ENDOV: variants seen among roughly 807,000 people sequenced by gnomAD.
ENDOV encodes hEndoV.
In ENDOV, 37 loss-of-function variants were observed where a neutral mutation model predicts 39.4. The ratio of observed to expected loss-of-function variants is 0.94; its 90% confidence interval spans 0.72 to 1.23. The LOEUF is 1.23. ENDOV is among the 50% of genes most tolerant of loss of function. The pLI is 0.00. For synonymous variants in ENDOV, 186 were observed against 163.4 expected (o/e 1.14, Z -1.05); for missense variants, 441 against 375.7 (o/e 1.17, Z -1.44).
chr17:80,416,911 C>T lies in ENDOV; in HGVS notation c.228+1090C>T, dbSNP rs181167422. The T allele has an allele frequency of 3.3e-3, 504 of 152,488 alleles. 1 individual carries two copies. Among genetic ancestry groups the T allele is most frequent in the Non-Finnish European group, 3.7e-3 (255 of 68,232 alleles). 9.4% of individuals were successfully genotyped at this position (152,488 alleles called of 1,614,324 possible). ...CTAGGACCACAGGTGTGAGCCACTA[C>T]ACCCGGCTTATTTTTTTATTTTTTG... On this transcript the variant is annotated intron_variant, in intron 2 of 9. Coordinates refer to ENST00000518137, the MANE Select transcript of ENDOV (RefSeq NM_173627.5).
chr17:80,423,641 G>A lies in ENDOV; in HGVS notation c.516+9G>A. The A allele has an allele frequency of 6.5e-7, 1 of 1,549,242 alleles. No individual in the cohort carries two copies. Among genetic ancestry groups the A allele is most frequent in the Non-Finnish European group, 8.7e-7 (1 of 1,147,098 alleles). On this transcript the variant is annotated intron_variant, in intron 5 of 9. Transcript: ENST00000518137. The stretch of plus-strand genomic sequence containing the variant: ...CCCTGCACAAGGAGAAGGTGAGGAG[G>A]GGCCTGCTGCAGGCCATGCCCGGCA...
intron 9 of ENDOV, among the ~76,000 whole-genome samples, chr17:80,431,995 G>A (rs1488877092): frequency 1.3e-5 from 2 of 152,132 alleles, no homozygotes; most frequent in Admixed American, 6.5e-5. Flanking sequence ...AGTTGGGAGG[G>A]GTGTCAGCTG....
intron 7 of ENDOV, chr17:80,427,687 C>G (rs1167766128): frequency 3.9e-6 from 5 of 1,278,610 alleles, no homozygotes; most frequent in Non-Finnish European, 5.1e-6. Flanking sequence ...CTGCTCTGTT[C>G]CAGAAGGTCC....
intron 9 of ENDOV, among the ~76,000 whole-genome samples, chr17:80,432,087 C>G (rs1392222579): frequency 6.6e-6 from 1 of 152,104 alleles, no homozygotes; most frequent in East Asian, 1.9e-4. Context: ...CGCTGAAGGT[C>G]CCCTTGGGAG....
intron 2 of ENDOV, chr17:80,416,104 G>GTATATA (rs2081111856): frequency 6.5e-6 from 2 of 306,394 alleles, no homozygotes; most frequent in African/African-American, 2.3e-5. Flanking sequence ...GGGTGTGGTG[G>GTATATA]CATATACCTG....
chr17:80,436,231 C>G lies in ENDOV; in HGVS notation c.*88C>G. 6.6e-7 allele frequency: 1 copy of G among 1,526,522 alleles called. No homozygotes were observed. The highest frequency in any genetic ancestry group is 8.8e-7 in the Non-Finnish European group (1 of 1,137,286). 94.6% of individuals were successfully genotyped at this position (1,526,522 alleles called of 1,614,324 possible). A position where few individuals can be genotyped will look rare whatever the true frequency, so the allele number is the denominator to read the frequency against. ...CGTCCTCGTCTCGTTCCTGATCGAA[C>G]GCGGTGGTGAGAGCACACATCCTCG... On this transcript the variant is annotated 3_prime_UTR_variant, in exon 10 of 10. Coordinates refer to ENST00000518137, the MANE Select transcript of ENDOV (RefSeq NM_173627.5).
chr17:80,424,936 C>T (rs767260065), intron 5 of ENDOV, 96 bp from the exon 6 acceptor site: 25 of 1,027,056 alleles, frequency 2.4e-5, no homozygotes, highest in Non-Finnish European at 3.7e-5. Flanking sequence ...GCCTGGGCAA[C>T]AGTGCGACAC....
At chr17:80,423,497 C>A in intron 4 of ENDOV, 23 bp from the exon 5 acceptor site, 3 of 1,540,966 alleles carry the variant, frequency 1.9e-6, no homozygotes, top group South Asian at 2.4e-5. Flanking sequence ...CTCCCCAACC[C>A]CACCCTCCTT....
intron 4 of ENDOV, 32 bp from the exon 5 acceptor site, chr17:80,423,474 GCCCCAGCCCCACCT>G: frequency 6.9e-7 from 1 of 1,449,932 alleles, no homozygotes; most frequent in Non-Finnish European, 9.4e-7. Context: ...CCTGTGCCAG[GCCCCAGCCCCACCT>G]CCCCAACCCC....
chr17:80,418,692 AGTTGG>A (rs2081529360), intron 2 of ENDOV: 1 of 151,942 alleles, frequency 6.6e-6, no homozygotes, highest in South Asian at 2.1e-4. Flanking sequence ...TGGGCCTTGG[AGTTGG>A]GGTGGGATGG....
chr17:80,421,567 AGCT>A (rs2082037301), intron 2 of ENDOV, among the ~76,000 whole-genome samples: 1 of 84,978 alleles, frequency 1.2e-5, no homozygotes. Flanking sequence ...GTCCCGGGGG[AGCT>A]GCTGCTACGG....
chr17:80,419,472 G>A, intron 2 of ENDOV: 1 of 659,798 alleles, frequency 1.5e-6, no homozygotes, highest in South Asian at 1.6e-5. Flanking sequence ...TGGCTGGTGT[G>A]TGCTGCTCCA....
intron 6 of ENDOV, 50 bp from the exon 7 acceptor site, chr17:80,425,441 CT>C: frequency 6.4e-7 from 1 of 1,555,086 alleles, no homozygotes. Context: ...TGTCCTGACC[CT>C]GGTCCCGGTG....
intron 9 of ENDOV, chr17:80,430,074 G>T (rs369042069): frequency 8.5e-6 from 13 of 1,535,580 alleles, no homozygotes; most frequent in African/African-American, 4.1e-5. Context: ...CAGGCTGACC[G>T]CACCACCCCA....
At chr17:80,424,308 G>A (rs1460085464) in intron 5 of ENDOV, 2 of 399,414 alleles carry the variant, frequency 5.0e-6, no homozygotes, top group Non-Finnish European at 8.8e-6. Context: ...CCCACTCAAT[G>A]AGCCAGTCCA....
At chr17:80,424,472 G>A in intron 5 of ENDOV, 1 of 396,450 alleles carries the variant, frequency 2.5e-6, no homozygotes, top group East Asian at 3.6e-5. Flanking sequence ...GCAGATTGTT[G>A]CCCTTGTTCT....
At chr17:80,419,687 C>T in intron 2 of ENDOV, 1 of 702,592 alleles carries the variant, frequency 1.4e-6, no homozygotes, top group Non-Finnish European at 2.6e-6. Flanking sequence ...CACACTGTCC[C>T]AAGAGGCTGC....
chr17:80,424,290 AC>A (rs1393888220), intron 5 of ENDOV: 12 of 399,010 alleles, frequency 3.0e-5, no homozygotes, highest in Non-Finnish European at 5.3e-5. Flanking sequence ...GTTGATGGGG[AC>A]CTTAGACCCA....
intron 9 of ENDOV, chr17:80,430,196 T>A (rs2083238628): frequency 1.4e-6 from 2 of 1,473,776 alleles, no homozygotes; most frequent in South Asian, 2.8e-5. Context: ...AGGACAGATC[T>A]CTATGGGGGC....
Sources: allele counts gnomAD v4.1 joint callset (sites outside exome capture counted in the v4.1 genomes callset), GRCh38; gene constraint gnomAD v4.1.1; transcripts MANE v1.5; gene names NCBI Gene and HGNC (gene_info 2026-07-23, HGNC 2026-07-21).